PPP1R13L: variants seen among roughly 807,000 people sequenced by gnomAD.
PPP1R13L encodes the protein relA-associated inhibitor.
Under a neutral mutation model 80.9 loss-of-function variants are expected in PPP1R13L, and 50 were observed. That is an observed-to-expected ratio of 0.62 (90% CI 0.49 to 0.78). The LOEUF (loss-of-function observed/expected upper bound fraction) is 0.78. Ranked by LOEUF, PPP1R13L falls within the 30% of genes least tolerant of loss-of-function variation. PPP1R13L has a pLI of 0.00. For missense variants in PPP1R13L, 1,200 were observed against 1,205.9 expected (o/e 1.00, Z 0.07); for synonymous variants, 602 against 534.3 (o/e 1.13, Z -1.75).
chr19:45,399,157 A>T (rs555575560), intron 1 of PPP1R13L, among the ~76,000 whole-genome samples: 2 of 148,564 alleles, frequency 1.3e-5, no homozygotes, highest in South Asian at 4.4e-4. Context: ...GTCAGCCAGG[A>T]TGGTCTCGAT....
intron 7 of PPP1R13L, chr19:45,392,765 T>C (rs1428033507): frequency 1.1e-5 from 3 of 275,836 alleles, no homozygotes; most frequent in African/African-American, 6.9e-5. Context: ...GAGAGTTTCC[T>C]CTCCTAACAT....
At chr19:45,402,554 C>G (rs1973254306) in intron 1 of PPP1R13L, among the ~76,000 whole-genome samples, 2 of 152,234 alleles carry the variant, frequency 1.3e-5, no homozygotes, top group Admixed American at 6.5e-5. Flanking sequence ...TGAGCTCAGG[C>G]CCGGGGAATG....
rs1284415199 is a variant in PPP1R13L, at chr19:45,404,879, G to A, written c.-22+120C>T. 3 of 450,132 alleles carry A rather than the reference G, an allele frequency of 6.7e-6. No individual in the cohort carries two copies. The Admixed American group carries it at 1.9e-4, about 29-fold the overall frequency. The allele number at this position is 450,132 out of a possible 1,614,324, so 27.9% of individuals were successfully genotyped here. ...ACGGAGTTTCCTTCTAAGGATCCAG[G>A]TGTCGGCGCGCCCCAAATTCCGCCC... On this transcript the variant is annotated intron_variant, in intron 1 of 12. Coordinates refer to ENST00000360957, the MANE Select transcript of PPP1R13L (RefSeq NM_006663.4).
chr19:45,387,892 C>T (rs1287522864), intron 8 of PPP1R13L, among the ~76,000 whole-genome samples: 3 of 152,084 alleles, frequency 2.0e-5, no homozygotes, highest in South Asian at 2.1e-4. Flanking sequence ...TGGCTGGGTG[C>T]GGTGGCTCAT....
At chr19:45,386,296 T>C in intron 8 of PPP1R13L, 116 bp from the exon 9 acceptor site, 1 of 1,298,598 alleles carries the variant, frequency 7.7e-7, no homozygotes. Context: ...GGGGTAGAAC[T>C]GGGATTCCCT....
Position 45,395,738 on chromosome 19 carries a change from C to T in PPP1R13L, c.1052G>A (p.Arg351His). 2 of 1,516,902 alleles carry T rather than the reference C, an allele frequency of 1.3e-6. No individual in the cohort carries two copies. The highest frequency in any genetic ancestry group is 1.8e-6 in the Non-Finnish European group (2 of 1,137,724). The allele number at this position is 1,516,902 out of a possible 1,614,324, so 94.0% of individuals were successfully genotyped here. A position where few individuals can be genotyped will look rare whatever the true frequency, so the allele number is the denominator to read the frequency against. ...GGGGCTGGAGGGGGGCATGGGGATGCGGCTGACGGGCTGCCAGCTGCGAGG... is the reference window on the plus strand; with the variant it reads ...GGGGCTGGAGGGGGGCATGGGGATGTGGCTGACGGGCTGCCAGCTGCGAGG... ...TLPRSWQPVS[R>H]IPMPPSSPQP... is the part of the protein sequence containing the mutation. The change falls in exon 7 of 13, where the codon CGC (arginine) becomes CAC (histidine). Residue 351 changes from arginine to histidine, a missense_variant. Physicochemically the swap from Arg to His is conservative, Grantham distance 29. This residue lies in a region of PPP1R13L where 764 missense variants were observed against 714.5 expected (regional missense o/e 1.07). Transcript: ENST00000360957.
At chr19:45,392,388 C>T in intron 7 of PPP1R13L, 48 bp from the exon 8 acceptor site, 2 of 1,563,748 alleles carry the variant, frequency 1.3e-6, no homozygotes, top group South Asian at 1.1e-5. Context: ...AGGAGACACC[C>T]AACACTCCCT....
intron 12 of PPP1R13L, 82 bp downstream of exon 12, chr19:45,382,445 C>G: frequency 6.7e-7 from 1 of 1,496,032 alleles, no homozygotes; most frequent in East Asian, 2.3e-5. Context: ...GTTCCTGTTG[C>G]CTCTTCTTTT....
rs1973070980 is a variant in PPP1R13L at position 45,395,699 on chromosome 19, G to A, written c.1091C>T (p.Ala364Val). Residue 364 changes from alanine (A) to valine (V), a missense_variant, in exon 7 of 13, where the codon GCC (alanine) becomes GTC (valine). Coordinates refer to ENST00000360957, the MANE Select transcript of PPP1R13L (RefSeq NM_006663.4). ...MPPSSPQPRG[A>V]PRQRPIPLSM... Reference sequence around the variant, plus strand: ...GAGGGGGATGGGACGCTGGCGCGGGGCCCCGCGGGGCTGGGGGCTGGAGGG... The same window carrying A: ...GAGGGGGATGGGACGCTGGCGCGGGACCCCGCGGGGCTGGGGGCTGGAGGG... The A allele has an allele frequency of 1.9e-6, 2 of 1,043,908 alleles. No individual in the cohort carries two copies. Among genetic ancestry groups the A allele is most frequent in the South Asian group, 1.6e-5 (1 of 62,186 alleles). 64.7% of individuals were successfully genotyped at this position (1,043,908 alleles called of 1,614,324 possible).
At position 45,392,198 on chromosome 19, in the gene PPP1R13L, C is replaced by G; in HGVS notation, c.1497G>C (p.Pro499=). The change falls in exon 8 of 13, where the codon CCG becomes CCC. Residue 499 remains proline, a synonymous_variant. Transcript: ENST00000360957. ...SPTRLQPALP[P]EAQSVPELEE... is the part of the protein sequence containing the mutation. Reference sequence around the variant, plus strand: ...CCAGCTCGGGCACCGACTGTGCCTCCGGTGGCAGTGCTGGCTGCAGCCTCG... The same window carrying G: ...CCAGCTCGGGCACCGACTGTGCCTCGGGTGGCAGTGCTGGCTGCAGCCTCG... 1 of 1,611,620 alleles carries G rather than the reference C, an allele frequency of 6.2e-7. No individual in the cohort carries two copies. Among genetic ancestry groups the G allele is most frequent in the Non-Finnish European group, 8.5e-7 (1 of 1,178,580 alleles).
chr19:45,395,587 T>C lies in PPP1R13L; in HGVS notation c.1203A>G (p.Ala401=). 6.9e-7 allele frequency: 1 copy of C among 1,457,044 alleles called. No individual in the cohort carries two copies. Among genetic ancestry groups the C allele is most frequent in the Non-Finnish European group, 9.0e-7 (1 of 1,108,102 alleles). 90.3% of individuals were successfully genotyped at this position (1,457,044 alleles called of 1,614,324 possible). A position where few individuals can be genotyped will look rare whatever the true frequency, so the allele number is the denominator to read the frequency against. ...MLPGSPLFTR[A]PPPKLQPQPQ... The stretch of plus-strand genomic sequence containing the variant: ...GTTGGGGCTGCAGCTTAGGCGGGGG[T>C]GCTCGGGTGAAGAGGGGGGACCCAG... The change falls in exon 7 of 13, where the codon GCA becomes GCG. Residue 401 remains alanine, a synonymous_variant. Transcript: ENST00000360957.
In PPP1R13L at chr19:45,386,147, G is replaced by A; in HGVS notation, c.1849C>T (p.Pro617Ser). The A allele has an allele frequency of 6.5e-7, 1 of 1,540,886 alleles. No homozygotes were observed. Residue 617 changes from proline to serine, a missense_variant, in exon 9 of 13, where the codon CCG (proline) becomes TCG (serine). Coordinates refer to ENST00000360957, the MANE Select transcript of PPP1R13L (RefSeq NM_006663.4). Reference sequence around the variant, plus strand: ...AGGCGCGCGCGGCGGGCCTTGCGCGGGGAGCCCGCCTTCCGCAGCACAGAG... The same window carrying A: ...AGGCGCGCGCGGCGGGCCTTGCGCGAGGAGCCCGCCTTCCGCAGCACAGAG... ...MRSVLRKAGS[P>S]RKARRARLNP...
In PPP1R13L at chr19:45,396,821, A is replaced by G; in HGVS notation, c.436T>C (p.Phe146Leu). Residue 146 changes from phenylalanine (F) to leucine (L), a missense_variant, in exon 4 of 13, where the codon TTC becomes CTC. By Grantham distance (22) the Phe-to-Leu change is conservative. Coordinates refer to ENST00000360957, the MANE Select transcript of PPP1R13L (RefSeq NM_006663.4). The surrounding 1 kb of genome is among the most constrained non-coding windows in gnomAD (Gnocchi z 5.3). ...DRATSPRPRA[F>L]DGAGSSLGRA... Reference sequence around the variant, plus strand: ...CCGAGGGAGCTGCCTGCGCCATCGAAGGCGCGGGGCCGGGGCGAGGTCGCG... The same window carrying G: ...CCGAGGGAGCTGCCTGCGCCATCGAGGGCGCGGGGCCGGGGCGAGGTCGCG... 1 of 1,453,654 alleles carries G rather than the reference A, an allele frequency of 6.9e-7. No homozygotes were observed. The highest frequency in any genetic ancestry group is 9.0e-7 in the Non-Finnish European group (1 of 1,111,512). The allele number at this position is 1,453,654 out of a possible 1,614,324, so 90.0% of individuals were successfully genotyped here.
rs1162852547 is a variant in PPP1R13L at position 45,396,540 on chromosome 19, T to C, written c.712+5A>G. The C allele has an allele frequency of 6.4e-7, 1 of 1,569,022 alleles. No homozygotes were observed. The highest frequency in any genetic ancestry group is 1.1e-5 in the South Asian group (1 of 87,132). On this transcript the variant is annotated splice_donor_5th_base_variant and intron_variant, in intron 4 of 12. Coordinates refer to ENST00000360957, the MANE Select transcript of PPP1R13L (RefSeq NM_006663.4). This position sits in a 1 kb window ranked among gnomAD's most constrained non-coding sequence, Gnocchi z 5.3. ...AAAGGCCCCGCGAGGGGCCCCTGGG[T>C]TCACCTTGCGCGCGCAGAGGCGGGG...
At chr19:45,384,797 G>A (rs1972834994) in intron 11 of PPP1R13L, among the ~76,000 whole-genome samples, 2 of 147,518 alleles carry the variant, frequency 1.4e-5, no homozygotes, top group Non-Finnish European at 3.0e-5. Flanking sequence ...AGGTTGCAGT[G>A]AGCCGAGATT....
At chr19:45,384,862 T>A (rs1972835787) in intron 11 of PPP1R13L, among the ~76,000 whole-genome samples, 1 of 150,368 alleles carries the variant, frequency 6.7e-6, no homozygotes, top group Non-Finnish European at 1.5e-5. Flanking sequence ...AAAATAATAA[T>A]AAATAAATAT....
At chr19:45,382,169 G>A (rs1291444433) in intron 12 of PPP1R13L, among the ~76,000 whole-genome samples, 1 of 151,858 alleles carries the variant, frequency 6.6e-6, no homozygotes, top group East Asian at 1.9e-4. Flanking sequence ...GGGGGCCCGA[G>A]GTTGCAGTGA....
chr19:45,399,764 A>G (rs1018676133), intron 1 of PPP1R13L, among the ~76,000 whole-genome samples: 2 of 151,868 alleles, frequency 1.3e-5, no homozygotes, highest in East Asian at 3.9e-4. Flanking sequence ...CCTGGCCAAT[A>G]TGGTGAAACC....
chr19:45,396,844 G>T lies in PPP1R13L; in HGVS notation c.413C>A (p.Ala138Glu). The T allele has an allele frequency of 6.6e-7, 1 of 1,512,540 alleles. No homozygotes were observed. 93.7% of individuals were successfully genotyped at this position (1,512,540 alleles called of 1,614,324 possible). A position where few individuals can be genotyped will look rare whatever the true frequency, so the allele number is the denominator to read the frequency against. The stretch of plus-strand genomic sequence containing the variant: ...GAAGGCGCGGGGCCGGGGCGAGGTC[G>T]CGCGGTCCAGGCTGCCGTAGGCGTC... The part of the protein sequence containing the change: ...QPDAYGSLDR[A>E]TSPRPRAFDG... Residue 138 changes from alanine to glutamate, a missense_variant, in exon 4 of 13, where the codon GCG becomes GAG. Around this residue, in one of 5 missense-constraint regions of PPP1R13L, gnomAD observed 764 missense variants for 714.5 expected, o/e 1.07. Coordinates refer to ENST00000360957, the MANE Select transcript of PPP1R13L (RefSeq NM_006663.4). The surrounding 1 kb of genome is among the most constrained non-coding windows in gnomAD (Gnocchi z 5.3).
Sources: gnomAD v4.1 joint callset for allele counts (sites outside exome capture counted in the v4.1 genomes callset) on GRCh38, gnomAD v4.1.1 for gene constraint, gnomAD v4.1.1 regional missense constraint, Gnocchi (gnomAD v3.1) non-coding constraint, MANE v1.5 for transcripts, NCBI Gene and HGNC (gene_info 2026-07-23, HGNC 2026-07-21) for gene names.